The following RAI14 variants were observed in gnomAD, a reference collection of about 807,000 sequenced individuals.
RAI14 encodes ankycorbin.
Under a neutral mutation model 115.4 loss-of-function variants are expected in RAI14, and 45 were observed. That is an observed-to-expected ratio of 0.39 (90% CI 0.31 to 0.50). RAI14 has a LOEUF of 0.50. Ranked by LOEUF, RAI14 falls within the 20% of genes least tolerant of loss-of-function variation. The pLI is 0.85. For synonymous variants in RAI14, 371 were observed against 415.4 expected (o/e 0.89, Z 1.30); for missense variants, 939 against 1,131.2 (o/e 0.83, Z 2.44).
intron 7 of RAI14, among the ~76,000 whole-genome samples, chr5:34,809,472 T>G (rs1359354027): frequency 2.0e-5 from 3 of 152,212 alleles, no homozygotes; most frequent in African/African-American, 7.2e-5. Context: ...CAGATGATTC[T>G]GGTGTTAGTT....
intron 2 of RAI14, among the ~76,000 whole-genome samples, chr5:34,755,930 T>C (rs183410070): frequency 6.6e-6 from 1 of 152,182 alleles, no homozygotes; most frequent in Non-Finnish European, 1.5e-5. Flanking sequence ...AACATGTAAG[T>C]GTCAGTCTGG....
intron 1 of RAI14, among the ~76,000 whole-genome samples, chr5:34,683,764 G>A (rs1744566142): frequency 6.7e-6 from 1 of 150,366 alleles, no homozygotes; most frequent in Non-Finnish European, 1.5e-5. Flanking sequence ...GTCTCACTCT[G>A]TCGCCCAGGG....
At chr5:34,819,216 G>C (rs765636694) in intron 13 of RAI14, among the ~76,000 whole-genome samples, 2 of 152,228 alleles carry the variant, frequency 1.3e-5, no homozygotes, top group Admixed American at 1.3e-4. Context: ...CAGATATCTT[G>C]AAATATTTAC....
At chr5:34,664,473 A>G (rs1375413482) in intron 1 of RAI14, among the ~76,000 whole-genome samples, 6 of 151,310 alleles carry the variant, frequency 4.0e-5, no homozygotes, top group African/African-American at 1.5e-4. Flanking sequence ...AAAGCTTATT[A>G]TCAAGGAACC....
At chr5:34,663,995 G>A (rs537756492) in intron 1 of RAI14, among the ~76,000 whole-genome samples, 4 of 152,184 alleles carry the variant, frequency 2.6e-5, no homozygotes, top group South Asian at 2.1e-4. Context: ...TAGTCTTGCC[G>A]TATAATTCCA....
At position 34,823,042 on chromosome 5, in the gene RAI14, A is replaced by T; in HGVS notation, c.1200A>T (p.Lys400Asn). 6.2e-7 allele frequency: 1 copy of T among 1,613,148 alleles called. No individual in the cohort carries two copies. The highest frequency in any genetic ancestry group is 2.2e-5 in the East Asian group (1 of 44,838). The change falls in exon 15 of 18, where the codon AAA (lysine) becomes AAT (asparagine). Residue 400 changes from lysine to asparagine, a missense_variant. Lys to Asn is a moderately conservative substitution (Grantham distance 94). Coordinates refer to ENST00000265109, the MANE Select transcript of RAI14 (RefSeq NM_015577.3). The surrounding 1 kb of genome is among the most constrained non-coding windows in gnomAD (Gnocchi z 4.5). ...TQTDLGPSLG[K>N]PGETSPPDSK... ...CTGACTTGGGCCCATCCCTGGGAAA[A>T]CCTGGTGAAACCTCTCCCCCAGACT...
chr5:34,807,724 T>A, intron 5 of RAI14, 76 bp from the exon 6 acceptor site: 1 of 1,142,034 alleles, frequency 8.8e-7, no homozygotes, highest in Non-Finnish European at 1.3e-6. Context: ...CATCATACCT[T>A]GCAGGAAAAG....
chr5:34,734,863 G>A (rs569053916), intron 2 of RAI14, among the ~76,000 whole-genome samples: 7 of 152,192 alleles, frequency 4.6e-5, no homozygotes, highest in African/African-American at 1.7e-4. Context: ...GTTTCACCAT[G>A]TTGGCCAGGC....
intron 2 of RAI14, chr5:34,716,879 G>A (rs1185148312): frequency 6.6e-6 from 1 of 152,122 alleles, no homozygotes; most frequent in Non-Finnish European, 1.5e-5. Flanking sequence ...TTCCACTGTG[G>A]TTGGTAGATT....
At chr5:34,774,365 T>C (rs926352815) in intron 3 of RAI14, among the ~76,000 whole-genome samples, 1 of 151,954 alleles carries the variant, frequency 6.6e-6, no homozygotes, top group Non-Finnish European at 1.5e-5. Context: ...AGTGAGACTC[T>C]GCACAAAAAT....
intron 2 of RAI14, among the ~76,000 whole-genome samples, chr5:34,704,828 A>G (rs537201663): frequency 1.3e-5 from 2 of 152,348 alleles, no homozygotes; most frequent in Admixed American, 1.3e-4. Context: ...AGGAAGTTGG[A>G]AAAAGAAATA....
At chr5:34,800,074 A>G (rs551959477) in intron 4 of RAI14, among the ~76,000 whole-genome samples, 9 of 152,194 alleles carry the variant, frequency 5.9e-5, no homozygotes, top group African/African-American at 1.9e-4. Flanking sequence ...TAAGAGCAAA[A>G]CCCTGTCAGA....
chr5:34,794,620 A>G (rs1753292771), intron 3 of RAI14, among the ~76,000 whole-genome samples: 1 of 152,326 alleles, frequency 6.6e-6, no homozygotes, highest in East Asian at 1.9e-4. Flanking sequence ...AGCCAAGGGA[A>G]CCATTAGAAA....
At chr5:34,767,510 C>T (rs1014567787) in intron 3 of RAI14, among the ~76,000 whole-genome samples, 24 of 152,188 alleles carry the variant, frequency 1.6e-4, no homozygotes, top group African/African-American at 4.8e-4. Context: ...AGATCATTAG[C>T]GTGTGCCAGT....
intron 14 of RAI14, among the ~76,000 whole-genome samples, chr5:34,822,585 A>G (rs1756973634): frequency 1.3e-5 from 2 of 148,374 alleles, no homozygotes; most frequent in African/African-American, 2.5e-5. Context: ...CAAAGTGATC[A>G]TGCTACTCTC....
intron 2 of RAI14, among the ~76,000 whole-genome samples, chr5:34,731,198 C>A (rs1015123174): frequency 6.6e-6 from 1 of 151,958 alleles, no homozygotes; most frequent in Non-Finnish European, 1.5e-5. Flanking sequence ...GGATTTTTAT[C>A]CCCCTTCTTA....
At chr5:34,727,459 C>G (rs1743608000) in intron 2 of RAI14, among the ~76,000 whole-genome samples, 1 of 152,162 alleles carries the variant, frequency 6.6e-6, no homozygotes. Flanking sequence ...TGTTAATCAC[C>G]AAGTCAATGG....
At chr5:34,785,809 A>G (rs1037501703) in intron 3 of RAI14, among the ~76,000 whole-genome samples, 3 of 152,176 alleles carry the variant, frequency 2.0e-5, no homozygotes, top group Admixed American at 1.3e-4. Context: ...CACAATCAGG[A>G]GCTGTACTAT....
intron 2 of RAI14, among the ~76,000 whole-genome samples, chr5:34,731,896 T>TG: frequency 6.6e-6 from 1 of 152,268 alleles, no homozygotes; most frequent in East Asian, 1.9e-4. Flanking sequence ...GGAGTCCTGA[T>TG]GCGGCCAGGG....
Sources: allele counts gnomAD v4.1 joint callset (sites outside exome capture counted in the v4.1 genomes callset), GRCh38; gene constraint gnomAD v4.1.1; non-coding constraint Gnocchi (gnomAD v3.1); transcripts MANE v1.5; gene names NCBI Gene and HGNC (gene_info 2026-07-23, HGNC 2026-07-21).